Variants in PAK5 observed in about 807,000 individuals in gnomAD.
PAK5 encodes serine/threonine-protein kinase PAK 5.
PAK5 carries 16 observed loss-of-function variants against 65.9 expected under a neutral mutation model. The observed-to-expected ratio is 0.24, with a 90% CI of 0.16 to 0.37. PAK5 has a LOEUF of 0.37. Ranked by LOEUF, PAK5 falls within the 10% of genes least tolerant of loss-of-function variation. PAK5 has a pLI of 1.00. For synonymous variants in PAK5, 371 were observed against 354.9 expected (o/e 1.05, Z -0.51); for missense variants, 785 against 903.9 (o/e 0.87, Z 1.69).
chr20:9,601,055 C>A (rs1231950706), intron 3 of PAK5, among the ~76,000 whole-genome samples: 2 of 152,110 alleles, frequency 1.3e-5, no homozygotes, highest in Non-Finnish European at 2.9e-5. Flanking sequence ...CAGTATCAGC[C>A]TTGCAGAGCT....
chr20:9,707,592 C>T (rs1179086407), intron 2 of PAK5, among the ~76,000 whole-genome samples: 1 of 152,134 alleles, frequency 6.6e-6, no homozygotes, highest in African/African-American at 2.4e-5. Flanking sequence ...TTTCCACATC[C>T]CTTAAATCTG....
intron 3 of PAK5, among the ~76,000 whole-genome samples, chr20:9,598,697 T>G (rs2123096758): frequency 6.6e-6 from 1 of 152,328 alleles, no homozygotes; most frequent in South Asian, 2.1e-4. Context: ...GATTTGCATT[T>G]CTCTAATGAT....
At chr20:9,766,975 A>G (rs575295033) in intron 1 of PAK5, among the ~76,000 whole-genome samples, 22 of 152,132 alleles carry the variant, frequency 1.4e-4, no homozygotes, top group African/African-American at 4.6e-4. Flanking sequence ...TCCTTCCAAC[A>G]TTAGGATATG....
intron 1 of PAK5, among the ~76,000 whole-genome samples, chr20:9,758,354 G>C (rs2048659499): frequency 6.6e-6 from 1 of 152,080 alleles, no homozygotes. Flanking sequence ...AGAAGGGAGT[G>C]GCATCGAACA....
chr20:9,733,393 CTTT>C (rs2123560158), intron 1 of PAK5, among the ~76,000 whole-genome samples: 1 of 40,126 alleles, frequency 2.5e-5, no homozygotes, highest in African/African-American at 9.3e-5. Context: ...ATCTCTCTTT[CTTT>C]CTTTCTTTCT....
At chr20:9,722,676 G>C (rs1466355477) in intron 1 of PAK5, among the ~76,000 whole-genome samples, 7 of 151,938 alleles carry the variant, frequency 4.6e-5, no homozygotes, top group Non-Finnish European at 1.0e-4. Context: ...ACCAGACCAC[G>C]CATGGCTTTT....
intron 2 of PAK5, among the ~76,000 whole-genome samples, chr20:9,648,489 T>A (rs2123289611): frequency 6.6e-6 from 1 of 151,560 alleles, no homozygotes; most frequent in African/African-American, 2.4e-5. Context: ...TTTTTTTGCA[T>A]AAACAGTTTA....
chr20:9,590,797 A>G (rs916599021), intron 3 of PAK5, among the ~76,000 whole-genome samples: 2 of 151,806 alleles, frequency 1.3e-5, no homozygotes, highest in African/African-American at 2.4e-5. Flanking sequence ...GGCCAAGTCA[A>G]TTGACTAGAA....
intron 1 of PAK5, among the ~76,000 whole-genome samples, chr20:9,831,155 T>C (rs1978681796): frequency 6.6e-6 from 1 of 152,248 alleles, no homozygotes; most frequent in East Asian, 1.9e-4. Flanking sequence ...AAGTGCCTGA[T>C]ATCTAGACCT....
At chr20:9,551,357 C>A (rs2045424954) in intron 7 of PAK5, among the ~76,000 whole-genome samples, 1 of 152,114 alleles carries the variant, frequency 6.6e-6, no homozygotes, top group South Asian at 2.1e-4. Flanking sequence ...AGTATGTTGT[C>A]CGCCCCCTAA....
At chr20:9,550,932 T>G (rs1381767776) in intron 7 of PAK5, among the ~76,000 whole-genome samples, 1 of 152,116 alleles carries the variant, frequency 6.6e-6, no homozygotes, top group African/African-American at 2.4e-5. Context: ...GTATATCTAG[T>G]GTGGGTTTCT....
chr20:9,569,326 C>T (rs1244585576), intron 4 of PAK5, among the ~76,000 whole-genome samples: 1 of 151,992 alleles, frequency 6.6e-6, no homozygotes, highest in African/African-American at 2.4e-5. Flanking sequence ...TTAGGCATGC[C>T]CCAAGTCCAG....
chr20:9,597,372 T>G (rs2046289425), intron 3 of PAK5, among the ~76,000 whole-genome samples: 1 of 152,240 alleles, frequency 6.6e-6, no homozygotes, highest in African/African-American at 2.4e-5. Context: ...ACTGTATGCA[T>G]GAACTGAGGT....
chr20:9,541,592 C>A (rs1481220660), intron 9 of PAK5, among the ~76,000 whole-genome samples: 1 of 152,166 alleles, frequency 6.6e-6, no homozygotes, highest in Non-Finnish European at 1.5e-5. Context: ...GTGCCTGGGA[C>A]CTTTTTCTCC....
intron 2 of PAK5, among the ~76,000 whole-genome samples, chr20:9,645,389 A>G (rs2047120492): frequency 6.6e-6 from 1 of 152,252 alleles, no homozygotes; most frequent in South Asian, 2.1e-4. Flanking sequence ...TAGGTCACCT[A>G]TTCACTGTGA....
intron 9 of PAK5, among the ~76,000 whole-genome samples, chr20:9,541,699 G>C (rs1196861459): frequency 6.6e-6 from 1 of 152,134 alleles, no homozygotes; most frequent in East Asian, 1.9e-4. Context: ...GCTTAAATCA[G>C]TGATAGGGTT....
At chr20:9,549,339 T>C (rs140908504) in intron 7 of PAK5, among the ~76,000 whole-genome samples, 3 of 152,166 alleles carry the variant, frequency 2.0e-5, no homozygotes, top group African/African-American at 7.2e-5. Flanking sequence ...AGAGGTAATA[T>C]TCAAAATATT....
intron 1 of PAK5, among the ~76,000 whole-genome samples, chr20:9,782,914 CTCTT>C (rs1209190147): frequency 6.7e-6 from 1 of 149,540 alleles, no homozygotes; most frequent in African/African-American, 2.5e-5. Flanking sequence ...TTTCTTTTTT[CTCTT>C]TCTTTCTTTT....
intron 2 of PAK5, among the ~76,000 whole-genome samples, chr20:9,670,334 G>C (rs1003123462): frequency 1.3e-5 from 2 of 152,122 alleles, no homozygotes; most frequent in Non-Finnish European, 2.9e-5. Context: ...CTAGATCCCT[G>C]AGGAATCGCC....
Sources: allele counts gnomAD v4.1 joint callset (sites outside exome capture counted in the v4.1 genomes callset), GRCh38; gene constraint gnomAD v4.1.1; transcripts MANE v1.5; gene names NCBI Gene and HGNC (gene_info 2026-07-23, HGNC 2026-07-21).